Variants in UVRAG observed in about 807,000 individuals in gnomAD.
UVRAG encodes UV radiation resistance associated.
A neutral mutation model predicts 78.0 loss-of-function variants in UVRAG; 19 were observed. The observed-to-expected ratio is 0.24, with a 90% CI of 0.17 to 0.36. The LOEUF is 0.36. Ranked by LOEUF, UVRAG falls within the 10% of genes least tolerant of loss-of-function variation. The probability of loss-of-function intolerance (pLI) is 1.00; values close to 1 mark genes in which losing one functional copy is unlikely to be tolerated. For missense variants in UVRAG, 740 were observed against 853.8 expected (o/e 0.87, Z 1.66); for synonymous variants, 323 against 324.6 (o/e 1.00, Z 0.05).
At position 76,020,342 on chromosome 11, in the gene UVRAG, G is replaced by A. The variant is rs1442289867; in HGVS notation, c.1226+3362G>A. Reference sequence around the variant, plus strand: ...GCTCTACTCCACTGTGGCCAAGCTGGTACCTGAAAACAGCACATCTCAGAG... The same window carrying A: ...GCTCTACTCCACTGTGGCCAAGCTGATACCTGAAAACAGCACATCTCAGAG... On this transcript the variant is annotated intron_variant, in intron 12 of 14. Transcript: ENST00000356136. Among the ~76,000 whole-genome samples the A allele has an allele frequency of 2.0e-5, 3 of 152,058 alleles. No individual in the cohort carries two copies. The South Asian group carries it at 6.2e-4, about 32-fold the overall frequency.
intron 14 of UVRAG, among the ~76,000 whole-genome samples, chr11:76,140,144 T>TCTCTCCCTCC (rs1952688878): frequency 1.0e-5 from 1 of 100,474 alleles, no homozygotes; most frequent in Non-Finnish European, 1.9e-5. Context: ...TCTCTCTCTC[T>TCTCTCCCTCC]CTCTCCCTCC....
chr11:75,918,753 T>C (rs1693221801), intron 6 of UVRAG, among the ~76,000 whole-genome samples: 2 of 152,350 alleles, frequency 1.3e-5, no homozygotes, highest in South Asian at 2.1e-4. Context: ...GCCATTTCTA[T>C]TGATCAAATT....
chr11:76,024,622 A>G (rs1950298825), intron 12 of UVRAG, among the ~76,000 whole-genome samples: 1 of 152,156 alleles, frequency 6.6e-6, no homozygotes, highest in South Asian at 2.1e-4. Context: ...GCATTTTACA[A>G]TTGATGCTGT....
At chr11:76,110,346 G>A (rs1016213468) in intron 13 of UVRAG, among the ~76,000 whole-genome samples, 1 of 151,942 alleles carries the variant, frequency 6.6e-6, no homozygotes, top group Non-Finnish European at 1.5e-5. Flanking sequence ...CTGCAAGGCA[G>A]GCAACATCCC....
intron 12 of UVRAG, among the ~76,000 whole-genome samples, chr11:76,018,301 A>C (rs530304054): frequency 6.3e-4 from 95 of 150,716 alleles, no homozygotes; most frequent in African/African-American, 2.3e-3. Context: ...TGGGAGCTCC[A>C]TTGTATGTTA....
intron 6 of UVRAG, among the ~76,000 whole-genome samples, chr11:75,948,359 G>A (rs190867389): frequency 3.3e-5 from 5 of 152,226 alleles, no homozygotes; most frequent in East Asian, 3.9e-4. Context: ...TTTTATTAAC[G>A]CAGAACCAGG....
chr11:75,877,866 A>ACC lies in UVRAG; in HGVS notation c.271-2007_271-2006dup, dbSNP rs774545843. ...GGGCGGCTGGCCGGGCGGGGGGCTG[A>ACC]CCCCCCCACCTCCCTCCCGGACGGG... On this transcript the variant is annotated intron_variant, in intron 3 of 14. Transcript: ENST00000356136. Among the ~76,000 whole-genome samples the ACC allele has an allele frequency of 5.8e-5, 5 of 85,718 alleles. No individual in the cohort carries two copies. In the East Asian group the frequency reaches 1.8e-3, roughly 31 times the overall value. 56.2% of individuals were successfully genotyped at this position (85,718 alleles called of 152,430 possible). A position where few individuals can be genotyped will look rare whatever the true frequency, so the allele number is the denominator to read the frequency against.
rs143366000 is a variant in UVRAG, at chr11:76,021,441, G to A, written c.1226+4461G>A. ...TCATAGTCATTCTAGTTAAAGATTTGTCAATTTCTTTTCAAAGAAAAGACT... is the reference window on the plus strand; with the variant it reads ...TCATAGTCATTCTAGTTAAAGATTTATCAATTTCTTTTCAAAGAAAAGACT... On this transcript the variant is annotated intron_variant, in intron 12 of 14. Coordinates refer to ENST00000356136, the MANE Select transcript of UVRAG (RefSeq NM_003369.4). Among the ~76,000 whole-genome samples, 4 of 151,718 alleles carry A rather than the reference G, an allele frequency of 2.6e-5. No homozygotes were observed. In the East Asian group the frequency reaches 7.7e-4, roughly 29 times the overall value.
chr11:75,835,831 C>T (rs901453650), intron 1 of UVRAG, among the ~76,000 whole-genome samples: 62 of 152,202 alleles, frequency 4.1e-4, no homozygotes, highest in African/African-American at 9.1e-4. Flanking sequence ...TGGTGGCTCA[C>T]GCCTGTAATC....
intron 2 of UVRAG, among the ~76,000 whole-genome samples, chr11:75,853,219 T>G (rs2134749989): frequency 6.6e-6 from 1 of 152,148 alleles, no homozygotes; most frequent in African/African-American, 2.4e-5. Flanking sequence ...AACCTCTTTT[T>G]AGTTTTAATG....
At chr11:75,848,449 T>G (rs936213529) in intron 1 of UVRAG, among the ~76,000 whole-genome samples, 1 of 152,240 alleles carries the variant, frequency 6.6e-6, no homozygotes, top group Non-Finnish European at 1.5e-5. Flanking sequence ...TTCGCATTAA[T>G]GGATTACACT....
intron 9 of UVRAG, among the ~76,000 whole-genome samples, chr11:76,005,068 G>A (rs1182948663): frequency 6.6e-6 from 1 of 151,958 alleles, no homozygotes; most frequent in African/African-American, 2.4e-5. Flanking sequence ...GACTGGCCGG[G>A]CATGGTGGCT....
chr11:75,817,700 A>G (rs1178288088), intron 1 of UVRAG, among the ~76,000 whole-genome samples: 1 of 152,110 alleles, frequency 6.6e-6, no homozygotes, highest in Non-Finnish European at 1.5e-5. Context: ...TATTCAGTGG[A>G]TGAATTGTCA....
intron 12 of UVRAG, among the ~76,000 whole-genome samples, chr11:76,053,167 A>G (rs1291600262): frequency 2.0e-5 from 3 of 151,734 alleles, no homozygotes; most frequent in Non-Finnish European, 4.4e-5. Context: ...TTAGCTGGGT[A>G]TGGTGGTGTA....
At chr11:75,936,825 C>T (rs1048792417) in intron 6 of UVRAG, among the ~76,000 whole-genome samples, 4 of 152,066 alleles carry the variant, frequency 2.6e-5, no homozygotes, top group Admixed American at 1.3e-4. Context: ...CCCAGGCTGG[C>T]GTGCAATGGC....
At chr11:76,009,202 A>G (rs1950005755) in intron 11 of UVRAG, among the ~76,000 whole-genome samples, 1 of 152,164 alleles carries the variant, frequency 6.6e-6, no homozygotes, top group East Asian at 1.9e-4. Context: ...TTGGGAGCAG[A>G]GGAACAGCAA....
At chr11:76,093,783 A>G (rs1422724750) in intron 13 of UVRAG, among the ~76,000 whole-genome samples, 2 of 152,210 alleles carry the variant, frequency 1.3e-5, no homozygotes, top group East Asian at 3.8e-4. Flanking sequence ...TTTTCTAGAT[A>G]TACAATCATG....
intron 8 of UVRAG, among the ~76,000 whole-genome samples, chr11:75,987,741 G>GT (rs556483110): frequency 0.041 from 5,939 of 143,134 alleles, 151 homozygotes; most frequent in Non-Finnish European, 0.054. Flanking sequence ...TGCATTAACT[G>GT]TTTTTTTTTT....
intron 14 of UVRAG, among the ~76,000 whole-genome samples, chr11:76,121,592 C>T (rs1456586350): frequency 2.6e-5 from 4 of 152,132 alleles, no homozygotes; most frequent in African/African-American, 7.2e-5. Context: ...AGATTATGTG[C>T]GAGGTTGCTG....
Sources: allele counts gnomAD v4.1 joint callset (sites outside exome capture counted in the v4.1 genomes callset), GRCh38; gene constraint gnomAD v4.1.1; transcripts MANE v1.5; gene names NCBI Gene and HGNC (gene_info 2026-07-23, HGNC 2026-07-21).